The following QRFP variants were observed in gnomAD, a reference collection of about 807,000 sequenced individuals.
The protein encoded by QRFP is orexigenic neuropeptide QRFP.
In QRFP, 7 loss-of-function variants were observed where a neutral mutation model predicts 9.1. The ratio of observed to expected loss-of-function variants is 0.77; its 90% CI spans 0.44 to 1.45. The LOEUF (loss-of-function observed/expected upper bound fraction) is 1.45, where lower values mean the gene tolerates loss of function less well. Ranked by LOEUF, QRFP falls within the 40% of genes most tolerant of loss-of-function variation. The pLI is 0.01. For synonymous variants in QRFP, 91 were observed against 80.2 expected, an observed-to-expected ratio of 1.13 and a Z score of -0.72; for missense variants, 204 against 185.4, an observed-to-expected ratio of 1.10 and a Z score of -0.58.
rs999998905 is a variant in QRFP at position 130,895,587 on chromosome 9, G to A, written c.-1+110C>T. Reference sequence around the variant, plus strand: ...GGGGAGGCACTGGTGTCCCCTCTCCGGGCACTCCCTCCCTGTGCTTCTGTG... The same window carrying A: ...GGGGAGGCACTGGTGTCCCCTCTCCAGGCACTCCCTCCCTGTGCTTCTGTG... On this transcript the variant is annotated intron_variant, in intron 2 of 2. Transcript: ENST00000623824. 26 of 152,636 alleles carry A rather than the reference G, an allele frequency of 1.7e-4. 1 individual carries two copies. The East Asian group carries it at 1.9e-3, about 11-fold the overall frequency. 9.5% of individuals were successfully genotyped at this position (152,636 alleles called of 1,614,324 possible).
chr9:130,896,066 C>T (rs1310916967), intron 1 of QRFP, 85 bp from the exon 2 acceptor site: 1 of 152,210 alleles, frequency 6.6e-6, no homozygotes, highest in Non-Finnish European at 1.5e-5. Flanking sequence ...CAAGCCCACC[C>T]TTCACCCTAA....
chr9:130,893,721 A>G lies in QRFP; in HGVS notation c.118T>C (p.Trp40Arg). The G allele has an allele frequency of 6.2e-7, 1 of 1,610,628 alleles. No homozygotes were observed. The highest frequency in any genetic ancestry group is 8.5e-7 in the Non-Finnish European group (1 of 1,178,496). ...CGGGGCCCCATGGCCAGGTCGGCCC[A>G]GCGTTCTCCAGCTCCGAGGCCACCC... ...AMGGLGAGER[W>R]ADLAMGPRPH... Residue 40 changes from tryptophan to arginine, a missense_variant, in exon 3 of 3, where the codon TGG (tryptophan) becomes CGG (arginine). By Grantham distance (101) the Trp-to-Arg change is moderately radical. Transcript: ENST00000623824.
chr9:130,896,281 G>A (rs1177031273), intron 1 of QRFP, among the ~76,000 whole-genome samples: 3 of 152,226 alleles, frequency 2.0e-5, no homozygotes, highest in African/African-American at 7.2e-5. Context: ...AGCCCTCAGC[G>A]GCCTGTTACC....
In QRFP at chr9:130,893,455, GC is replaced by G; in HGVS notation, c.383del (p.Gly128AlafsTer43). On this transcript the variant is annotated frameshift_variant, in exon 3 of 3. Coordinates refer to ENST00000623824, the MANE Select transcript of QRFP (RefSeq NM_198180.3). LOFTEE classifies it high-confidence loss of function. ...ELNGYSRKKG[G>X]FSFRFGRR ...ACCGCCGACCGAAGCGGAAGCTGAA[GC>G]CGCCTTTCTTCCTGCTGTAGCCATT... is the stretch of plus-strand genomic sequence containing the variant. 6.3e-7 allele frequency: 1 copy of G among 1,588,634 alleles called. No individual in the cohort carries two copies. Among genetic ancestry groups the G allele is most frequent in the Non-Finnish European group, 8.6e-7 (1 of 1,163,372 alleles).
chr9:130,896,324 C>A (rs936216847), intron 1 of QRFP, among the ~76,000 whole-genome samples: 1 of 152,232 alleles, frequency 6.6e-6, no homozygotes, highest in South Asian at 2.1e-4. Flanking sequence ...GGCAGATGCC[C>A]AGGACAGCAG....
intron 2 of QRFP, among the ~76,000 whole-genome samples, chr9:130,895,012 C>G (rs995850609): frequency 6.6e-6 from 1 of 152,238 alleles, no homozygotes; most frequent in African/African-American, 2.4e-5. Context: ...ATGGCTCCCT[C>G]GAACACATTT....
chr9:130,893,183 A>C lies in QRFP; in HGVS notation c.*245T>G. On this transcript the variant is annotated 3_prime_UTR_variant, in exon 3 of 3. Transcript: ENST00000623824. ...CTGCTCGGAGTCAAAGCCCCAGGGG[A>C]AGAGAGAGGCTGGGACGACCGAGGC... 1 of 368,084 alleles carries C rather than the reference A, an allele frequency of 2.7e-6. No homozygotes were observed. The highest frequency in any genetic ancestry group is 7.4e-5 in the South Asian group (1 of 13,428). The allele number at this position is 368,084 out of a possible 1,614,324, so 22.8% of individuals were successfully genotyped here.
At position 130,893,267 on chromosome 9, in the gene QRFP, C is replaced by G; in HGVS notation, c.*161G>C. ...TTTTCGCTTCAGCAAAGTTGGAAAT[C>G]AAAAGTAAGCACACACCTAACCTGT... On this transcript the variant is annotated 3_prime_UTR_variant, in exon 3 of 3. Transcript: ENST00000623824. The G allele has an allele frequency of 2.7e-6, 2 of 739,682 alleles. No homozygotes were observed. Among genetic ancestry groups the G allele is most frequent in the Non-Finnish European group, 4.0e-6 (2 of 495,016 alleles). The allele number at this position is 739,682 out of a possible 1,614,324, so 45.8% of individuals were successfully genotyped here.
rs1393759770 is a variant in QRFP at position 130,893,463 on chromosome 9, T to C, written c.376A>G (p.Lys126Glu). 2 of 1,589,958 alleles carry C rather than the reference T, an allele frequency of 1.3e-6. No homozygotes were observed. The highest frequency in any genetic ancestry group is 1.7e-6 in the Non-Finnish European group (2 of 1,164,500). Reference sequence around the variant, plus strand: ...CCGAAGCGGAAGCTGAAGCCGCCTTTCTTCCTGCTGTAGCCATTGAGCTCC... The same window carrying C: ...CCGAAGCGGAAGCTGAAGCCGCCTTCCTTCCTGCTGTAGCCATTGAGCTCC... Reference protein sequence around the residue: ...AEELNGYSRKKGGFSFRFGRR With the variant: ...AEELNGYSRKEGGFSFRFGRR The change falls in exon 3 of 3, where the codon AAA (lysine) becomes GAA (glutamate). Residue 126 changes from lysine to glutamate, a missense_variant. Coordinates refer to ENST00000623824, the MANE Select transcript of QRFP (RefSeq NM_198180.3).
rs1420103934 is a variant in QRFP at position 130,893,604 on chromosome 9, T to C, written c.235A>G (p.Arg79Gly). 2 of 1,612,382 alleles carry C rather than the reference T, an allele frequency of 1.2e-6. No homozygotes were observed. The highest frequency in any genetic ancestry group is 1.7e-5 in the Admixed American group (1 of 59,988). The change falls in exon 3 of 3, where the codon AGA (arginine) becomes GGA (glycine). Residue 79 changes from arginine to glycine, a missense_variant. Physicochemically the swap from Arg to Gly is moderately radical, Grantham distance 125. Coordinates refer to ENST00000623824, the MANE Select transcript of QRFP (RefSeq NM_198180.3). ...VIARGLQTSG[R>G]EHAGCRFRFG... is the part of the protein sequence containing the mutation. ...CGGAATCTGCAGCCAGCATGCTCTC[T>C]GCCCGATGTCTGCAGCCCCCTGGCT...
chr9:130,893,856 G>A lies in QRFP; in HGVS notation c.1-18C>T. On this transcript the variant is annotated intron_variant, in intron 2 of 2. Coordinates refer to ENST00000623824, the MANE Select transcript of QRFP (RefSeq NM_198180.3). ...CTTACCATCTGACCCAGAGGAAAGA[G>A]AGGCAGAGTGACAGGCTGCACACGT... The A allele has an allele frequency of 6.7e-7, 1 of 1,497,688 alleles. No homozygotes were observed. Among genetic ancestry groups the A allele is most frequent in the Non-Finnish European group, 8.9e-7 (1 of 1,123,900 alleles). 92.8% of individuals were successfully genotyped at this position (1,497,688 alleles called of 1,614,324 possible). A position where few individuals can be genotyped will look rare whatever the true frequency, so the allele number is the denominator to read the frequency against.
intron 1 of QRFP, 23 bp from the exon 2 acceptor site, chr9:130,896,004 T>A (rs911255951): frequency 6.6e-6 from 1 of 152,148 alleles, no homozygotes. Context: ...GCAGACAGCA[T>A]CATTAACTGC....
In QRFP at chr9:130,893,015, T is replaced by C. The variant is rs1831704575; in HGVS notation, c.*413A>G. ...CCCAGTGGAATGCACTCATTTGCAC[T>C]CTGATGTCAGCCGCAGTCGTGCCTA... is the stretch of plus-strand genomic sequence containing the variant. On this transcript the variant is annotated 3_prime_UTR_variant, in exon 3 of 3. Transcript: ENST00000623824. 1 of 160,120 alleles carries C rather than the reference T, an allele frequency of 6.2e-6. No individual in the cohort carries two copies. Among genetic ancestry groups the C allele is most frequent in the African/African-American group, 2.4e-5 (1 of 41,730 alleles). The allele number at this position is 160,120 out of a possible 1,614,324, so 9.9% of individuals were successfully genotyped here.
At chr9:130,895,189 A>G (rs953847126) in intron 2 of QRFP, among the ~76,000 whole-genome samples, 2 of 152,164 alleles carry the variant, frequency 1.3e-5, no homozygotes, top group African/African-American at 4.8e-5. Context: ...GGGGGCTTCC[A>G]CGAGGTGACT....
rs1341455699 is a variant in QRFP, at chr9:130,893,312, C to T, written c.*116G>A. The T allele has an allele frequency of 6.0e-6, 7 of 1,167,566 alleles. No homozygotes were observed. Among genetic ancestry groups the T allele is most frequent in the East Asian group, 2.4e-5 (1 of 41,496 alleles). 72.3% of individuals were successfully genotyped at this position (1,167,566 alleles called of 1,614,324 possible). ...ACCTGTCCTACCATGGATCGTTCAT[C>T]GTAACCAAGCCTACATCATCTGGGT... On this transcript the variant is annotated 3_prime_UTR_variant, in exon 3 of 3. Coordinates refer to ENST00000623824, the MANE Select transcript of QRFP (RefSeq NM_198180.3).
In QRFP at chr9:130,893,627, G is replaced by A. The variant is rs754252618; in HGVS notation, c.212C>T (p.Ala71Val). ...ASQPQALLVI[A>V]RGLQTSGREH... ...TCTGCCCGATGTCTGCAGCCCCCTG[G>A]CTATGACAAGCAGGGCCTGTGGCTG... is the stretch of plus-strand genomic sequence containing the variant. The change falls in exon 3 of 3, where the codon GCC (alanine) becomes GTC (valine). Residue 71 changes from alanine to valine, a missense_variant. Ala to Val is a moderately conservative substitution (Grantham distance 64, BLOSUM62 0). Coordinates refer to ENST00000623824, the MANE Select transcript of QRFP (RefSeq NM_198180.3). 1.1e-4 allele frequency: 182 copies of A among 1,609,104 alleles called. 3 individuals carry two copies. The highest frequency in any genetic ancestry group is 7.3e-4 in the South Asian group (66 of 90,882).
At position 130,893,500 on chromosome 9, in the gene QRFP, C is replaced by T. The variant is rs544075722; in HGVS notation, c.339G>A (p.Gly113=). Residue 113 remains glycine, a synonymous_variant, in exon 3 of 3, where the codon GGG becomes GGA. Coordinates refer to ENST00000623824, the MANE Select transcript of QRFP (RefSeq NM_198180.3). ...AAGEKTSGPL[G]NLAEELNGYS... ...AGCCATTGAGCTCCTCAGCCAGGTT[C>T]CCTAACGGGCCGCTGGTCTTCTCCC... is the stretch of plus-strand genomic sequence containing the variant. 1 of 1,610,518 alleles carries T rather than the reference C, an allele frequency of 6.2e-7. No homozygotes were observed. The highest frequency in any genetic ancestry group is 1.3e-5 in the African/African-American group (1 of 75,016).
intron 2 of QRFP, among the ~76,000 whole-genome samples, chr9:130,895,176 AG>A (rs1191788691): frequency 6.6e-6 from 1 of 152,172 alleles, no homozygotes; most frequent in Non-Finnish European, 1.5e-5. Flanking sequence ...GCGCAGGCAG[AG>A]TGGGGGCTTC....
rs1238741566 is a variant in QRFP at position 130,893,744 on chromosome 9, C to T, written c.95G>A (p.Gly32Asp). 5 of 1,609,086 alleles carry T rather than the reference C, an allele frequency of 3.1e-6. No homozygotes were observed. Among genetic ancestry groups the T allele is most frequent in the Non-Finnish European group, 4.2e-6 (5 of 1,177,860 alleles). Reference sequence around the variant, plus strand: ...CCAGCGTTCTCCAGCTCCGAGGCCACCCATGGCGTCTGTGGGCTCTCTTCT... The same window carrying T: ...CCAGCGTTCTCCAGCTCCGAGGCCATCCATGGCGTCTGTGGGCTCTCTTCT... ...LDRREPTDAM[G>D]GLGAGERWAD... Residue 32 changes from glycine to aspartate, a missense_variant, in exon 3 of 3, where the codon GGT becomes GAT. Gly to Asp is a moderately conservative substitution (Grantham distance 94, BLOSUM62 -1). Transcript: ENST00000623824.
Sources: gnomAD v4.1 joint callset for allele counts (sites outside exome capture counted in the v4.1 genomes callset) on GRCh38, gnomAD v4.1.1 for gene constraint, MANE v1.5 for transcripts, NCBI Gene and HGNC (gene_info 2026-07-23, HGNC 2026-07-21) for gene names.